The following CNTN3 variants were observed in gnomAD, a reference collection of about 807,000 sequenced individuals.
CNTN3 encodes contactin 3, also known as contactin-3.
CNTN3 carries 60 observed loss-of-function variants against 119.1 expected under a neutral mutation model. The ratio of observed to expected loss-of-function variants is 0.50; its 90% CI spans 0.41 to 0.62. The LOEUF is 0.62. Ranked by LOEUF, CNTN3 falls within the 20% of genes least tolerant of loss-of-function variation. CNTN3 has a pLI of 0.00. For missense variants in CNTN3, 1,101 were observed against 1,242.4 expected, an observed-to-expected ratio of 0.89 and a Z score of 1.71; for synonymous variants, 450 against 438.7, an observed-to-expected ratio of 1.03 and a Z score of -0.32.
rs1260751388 is a variant in CNTN3, at chr3:74,321,742, T to C, written c.1668+12993A>G. On this transcript the variant is annotated intron_variant, in intron 13 of 22. Transcript: ENST00000263665. Reference sequence around the variant, plus strand: ...TACAGACCCTATGTATATTAAAAGATAATAAAAAAATTATGAACAATGCTA... The same window carrying C: ...TACAGACCCTATGTATATTAAAAGACAATAAAAAAATTATGAACAATGCTA... Among the ~76,000 whole-genome samples, 7 of 152,046 alleles carry C rather than the reference T, an allele frequency of 4.6e-5. No individual in the cohort carries two copies. In the South Asian group the frequency reaches 1.2e-3, roughly 27 times the overall value.
At chr3:74,576,736 A>AT (rs915309320) in intron 1 of CNTN3, among the ~76,000 whole-genome samples, 69 of 151,334 alleles carry the variant, frequency 4.6e-4, no homozygotes, top group East Asian at 3.3e-3. Context: ...ACCTGTAATG[A>AT]TTTTTTTTTC....
chr3:74,477,054 C>T (rs1575764043), intron 4 of CNTN3, among the ~76,000 whole-genome samples: 1 of 152,054 alleles, frequency 6.6e-6, no homozygotes, highest in Non-Finnish European at 1.5e-5. Context: ...TCCAGAGTTT[C>T]CATAAGACAT....
intron 11 of CNTN3, among the ~76,000 whole-genome samples, chr3:74,356,493 T>G (rs892479873): frequency 2.0e-5 from 3 of 152,078 alleles, no homozygotes; most frequent in Non-Finnish European, 2.9e-5. Flanking sequence ...TCCCTGAACA[T>G]CCTGTACTTT....
chr3:74,614,306 T>C (rs975809149), intron 1 of CNTN3, among the ~76,000 whole-genome samples, 85 bp downstream of exon 1: 2 of 152,090 alleles, frequency 1.3e-5, no homozygotes, highest in African/African-American at 4.8e-5. Flanking sequence ...TGAGGAGCCA[T>C]GAAGCCAGGG....
At chr3:74,516,540 G>T (rs1703453966) in intron 2 of CNTN3, among the ~76,000 whole-genome samples, 1 of 150,682 alleles carries the variant, frequency 6.6e-6, no homozygotes, top group African/African-American at 2.5e-5. Context: ...TGTGTTAATT[G>T]ACTATTTTAT....
chr3:74,266,779 T>A (rs1701669625), intron 21 of CNTN3, 130 bp from the exon 22 acceptor site: 1 of 755,270 alleles, frequency 1.3e-6, no homozygotes, highest in Non-Finnish European at 2.1e-6. Context: ...CATTCATGAC[T>A]CTAATTGTAA....
At chr3:74,490,174 G>A (rs770691898) in intron 3 of CNTN3, among the ~76,000 whole-genome samples, 2 of 152,176 alleles carry the variant, frequency 1.3e-5, no homozygotes, top group African/African-American at 2.4e-5. Context: ...ACATCTGACA[G>A]TAAATCACAA....
chr3:74,359,096 A>G lies in CNTN3; in HGVS notation c.1364+2794T>C, dbSNP rs75710840. The stretch of plus-strand genomic sequence containing the variant: ...GTCACTGGGAGGCAGGCACAAAAAC[A>G]GTGGTTTTGGTTCATGAGTTGAGAG... On this transcript the variant is annotated intron_variant, in intron 11 of 22. Transcript: ENST00000263665. 6.2e-3 allele frequency among the ~76,000 whole-genome samples: 937 copies of G among 152,200 alleles called. 7 individuals carry two copies. Among genetic ancestry groups the G allele is most frequent in the Non-Finnish European group, 0.01 (690 of 68,006 alleles).
chr3:74,577,120 C>G (rs775390585), intron 1 of CNTN3, among the ~76,000 whole-genome samples: 6 of 152,066 alleles, frequency 3.9e-5, no homozygotes, highest in Non-Finnish European at 5.9e-5. Context: ...TTACTACACC[C>G]AAGACACAAA....
chr3:74,475,851 T>C (rs984933606), intron 4 of CNTN3, among the ~76,000 whole-genome samples: 1 of 152,164 alleles, frequency 6.6e-6, no homozygotes, highest in Admixed American at 6.6e-5. Flanking sequence ...TTTCCTCATA[T>C]GCACATTCCC....
At chr3:74,595,005 G>A (rs906538400) in intron 1 of CNTN3, among the ~76,000 whole-genome samples, 10 of 152,118 alleles carry the variant, frequency 6.6e-5, no homozygotes, top group Non-Finnish European at 1.3e-4. Flanking sequence ...GGCGTGAGAT[G>A]GTATCTCATT....
chr3:74,357,444 C>T (rs1703963380), intron 11 of CNTN3, among the ~76,000 whole-genome samples: 1 of 151,940 alleles, frequency 6.6e-6, no homozygotes, highest in Non-Finnish European at 1.5e-5. Context: ...GCACCACACC[C>T]AGCTAATTTT....
chr3:74,484,823 A>C (rs2107037551), intron 4 of CNTN3, among the ~76,000 whole-genome samples: 1 of 152,274 alleles, frequency 6.6e-6, no homozygotes, highest in Admixed American at 6.5e-5. Context: ...CAGCTCCAAG[A>C]CTCAACATTT....
chr3:74,358,596 G>GATTTATTT (rs71625970), intron 11 of CNTN3, among the ~76,000 whole-genome samples: 28,151 of 137,042 alleles, frequency 0.21, 3,346 homozygotes, highest in Non-Finnish European at 0.26. Context: ...TTTTTTTTTT[G>GATTTATTT]ATTTATTTAT....
intron 2 of CNTN3, among the ~76,000 whole-genome samples, chr3:74,520,158 G>A (rs1489857808): frequency 6.7e-6 from 1 of 149,286 alleles, no homozygotes; most frequent in Admixed American, 6.6e-5. Flanking sequence ...GGTCTTCTAA[G>A]GAGATGAGTA....
At chr3:74,599,254 T>G (rs1375966992) in intron 1 of CNTN3, among the ~76,000 whole-genome samples, 1 of 152,052 alleles carries the variant, frequency 6.6e-6, no homozygotes. Flanking sequence ...AAATACAAGT[T>G]TCCTGCTTTG....
At chr3:74,277,604 C>G (rs1409883229) in intron 20 of CNTN3, among the ~76,000 whole-genome samples, 1 of 151,986 alleles carries the variant, frequency 6.6e-6, no homozygotes, top group Non-Finnish European at 1.5e-5. Flanking sequence ...AATCAGCATA[C>G]AAGGGACATA....
At chr3:74,448,430 T>C (rs540304202) in intron 4 of CNTN3, among the ~76,000 whole-genome samples, 2 of 152,256 alleles carry the variant, frequency 1.3e-5, no homozygotes, top group African/African-American at 4.8e-5. Flanking sequence ...ATCCTTATTC[T>C]CCAAAATGTG....
At chr3:74,395,837 C>T (rs544056131) in intron 5 of CNTN3, among the ~76,000 whole-genome samples, 3 of 152,146 alleles carry the variant, frequency 2.0e-5, no homozygotes, top group South Asian at 4.2e-4. Flanking sequence ...TTCCCTACAG[C>T]GTGTGCTCAC....
Sources: allele counts gnomAD v4.1 joint callset (sites outside exome capture counted in the v4.1 genomes callset), GRCh38; gene constraint gnomAD v4.1.1; transcripts MANE v1.5; gene names NCBI Gene and HGNC (gene_info 2026-07-23, HGNC 2026-07-21).